ANO6: variants seen among roughly 807,000 people sequenced by gnomAD.
ANO6 encodes the protein anoctamin-6.
ANO6 carries 106 observed loss-of-function variants against 117.5 expected under a neutral mutation model. The observed-to-expected ratio is 0.90, with a 90% CI of 0.77 to 1.06. The LOEUF (loss-of-function observed/expected upper bound fraction) is 1.06. Ranked by LOEUF, ANO6 falls within the 50% of genes least tolerant of loss-of-function variation. The probability of loss-of-function intolerance (pLI) is 0.00; values close to 1 mark genes in which losing one functional copy is unlikely to be tolerated. For synonymous variants in ANO6, 367 were observed against 385.1 expected, an observed-to-expected ratio of 0.95 and a Z score of 0.55; for missense variants, 955 against 1,121.1, an observed-to-expected ratio of 0.85 and a Z score of 2.12.
intron 2 of ANO6, among the ~76,000 whole-genome samples, chr12:45,323,935 A>ATTTTTTTTTTTTTTTTTTTTTTGTTT (rs761870704): frequency 9.2e-6 from 1 of 108,330 alleles, no homozygotes; most frequent in Non-Finnish European, 1.8e-5. Flanking sequence ...TTGTTGTTGT[A>ATTTTTTTTTTTTTTTTTTTTTTGTTT]TTTTTTTTTT....
chr12:45,393,875 C>T (rs1046844668), intron 12 of ANO6, among the ~76,000 whole-genome samples: 1 of 152,208 alleles, frequency 6.6e-6, no homozygotes, highest in African/African-American at 2.4e-5. Context: ...CAACCGGTAC[C>T]AGCCCCAGCA....
chr12:45,321,461 A>G (rs1940267517), intron 2 of ANO6, among the ~76,000 whole-genome samples: 1 of 152,156 alleles, frequency 6.6e-6, no homozygotes, highest in South Asian at 2.1e-4. Flanking sequence ...ATTATATGAT[A>G]TGAAAAAAAA....
intron 11 of ANO6, among the ~76,000 whole-genome samples, chr12:45,389,530 C>T (rs548565499): frequency 6.6e-6 from 1 of 152,280 alleles, no homozygotes; most frequent in East Asian, 1.9e-4. Context: ...GTTAAATTTC[C>T]CTTGAAGTGT....
intron 1 of ANO6, among the ~76,000 whole-genome samples, chr12:45,251,306 A>T (rs570720055): frequency 1.3e-5 from 2 of 152,208 alleles, no homozygotes; most frequent in South Asian, 4.1e-4. Flanking sequence ...CAAATTCTTG[A>T]TTCTCTGTTA....
chr12:45,241,574 C>T (rs1565640138), intron 1 of ANO6, among the ~76,000 whole-genome samples: 5 of 152,324 alleles, frequency 3.3e-5, no homozygotes, highest in East Asian at 1.9e-4. Context: ...AGTCATTCTC[C>T]GTCCAGCTTT....
At chr12:45,315,364 A>G (rs1939990280) in intron 2 of ANO6, among the ~76,000 whole-genome samples, 1 of 152,052 alleles carries the variant, frequency 6.6e-6, no homozygotes, top group Admixed American at 6.6e-5. Flanking sequence ...CAGACAGTCC[A>G]GTTAGGAGAT....
intron 1 of ANO6, among the ~76,000 whole-genome samples, chr12:45,293,234 T>C (rs1939165198): frequency 6.6e-6 from 1 of 152,184 alleles, no homozygotes; most frequent in Non-Finnish European, 1.5e-5. Context: ...TATTTTCTCA[T>C]TTATTGAGCA....
chr12:45,403,312 T>G, intron 14 of ANO6, 71 bp downstream of exon 14: 1 of 1,561,906 alleles, frequency 6.4e-7, no homozygotes. Flanking sequence ...AATGAATAGT[T>G]TTTTATTGTA....
chr12:45,349,720 G>A (rs1368400281), intron 6 of ANO6, among the ~76,000 whole-genome samples: 2 of 152,162 alleles, frequency 1.3e-5, no homozygotes, highest in African/African-American at 4.8e-5. Flanking sequence ...GTAGAGAACA[G>A]GGAGCTGGGT....
chr12:45,275,964 C>G (rs1486213641), intron 1 of ANO6, among the ~76,000 whole-genome samples: 1 of 152,078 alleles, frequency 6.6e-6, no homozygotes, highest in Admixed American at 6.5e-5. Flanking sequence ...CTTCTGAGTT[C>G]TAGACGCCGT....
rs551614236 is a variant in ANO6 at position 45,384,846 on chromosome 12, G to T, written c.1166-3315G>T. ...GGCATTGATAGAGGCTCAACGTGGGGTTGCCACAAACAATCAATTTGTAAG... is the reference window on the plus strand; with the variant it reads ...GGCATTGATAGAGGCTCAACGTGGGTTTGCCACAAACAATCAATTTGTAAG... On this transcript the variant is annotated intron_variant, in intron 10 of 19. Coordinates refer to ENST00000320560, the MANE Select transcript of ANO6 (RefSeq NM_001025356.3). Among the ~76,000 whole-genome samples the T allele has an allele frequency of 1.1e-4, 17 of 152,326 alleles. No homozygotes were observed. The South Asian group carries it at 3.5e-3, about 32-fold the overall frequency.
chr12:45,406,945 T>C (rs1439779256), intron 15 of ANO6, among the ~76,000 whole-genome samples: 1 of 152,202 alleles, frequency 6.6e-6, no homozygotes, highest in Non-Finnish European at 1.5e-5. Flanking sequence ...TAACTTATGA[T>C]GTGGCTATGA....
intron 16 of ANO6, among the ~76,000 whole-genome samples, chr12:45,412,743 C>T (rs1943117824): frequency 6.6e-6 from 1 of 152,342 alleles, no homozygotes; most frequent in African/African-American, 2.4e-5. Context: ...ATTTATTAAG[C>T]ACTTGCTGTG....
intron 17 of ANO6, among the ~76,000 whole-genome samples, chr12:45,420,042 C>A (rs945194357): frequency 6.6e-6 from 1 of 150,782 alleles, no homozygotes; most frequent in African/African-American, 2.4e-5. Flanking sequence ...AATGGGACAA[C>A]CCCAATATAA....
chr12:45,409,810 T>C (rs374392571), intron 16 of ANO6, among the ~76,000 whole-genome samples: 1 of 152,148 alleles, frequency 6.6e-6, no homozygotes, highest in Non-Finnish European at 1.5e-5. Context: ...GGCTGGAGTG[T>C]GGTGGTACAA....
chr12:45,251,786 A>G (rs10459294), intron 1 of ANO6, among the ~76,000 whole-genome samples: 17,890 of 152,126 alleles, frequency 0.12, 1,518 homozygotes, highest in East Asian at 0.3. Flanking sequence ...AGTCCCATTC[A>G]CTGTGTGTGG....
intron 1 of ANO6, among the ~76,000 whole-genome samples, chr12:45,222,108 C>G (rs998289387): frequency 6.6e-6 from 1 of 151,728 alleles, no homozygotes; most frequent in South Asian, 2.1e-4. Context: ...GGTCTCATCT[C>G]CTGACCTCGT....
At chr12:45,283,946 A>G (rs1938824693) in intron 1 of ANO6, among the ~76,000 whole-genome samples, 1 of 152,202 alleles carries the variant, frequency 6.6e-6, no homozygotes, top group Non-Finnish European at 1.5e-5. Flanking sequence ...GGCCAAAGGA[A>G]AACTTCCCCT....
intron 12 of ANO6, among the ~76,000 whole-genome samples, chr12:45,393,856 G>A (rs1942528845): frequency 6.6e-6 from 1 of 152,134 alleles, no homozygotes; most frequent in Non-Finnish European, 1.5e-5. Context: ...CACTAAACAT[G>A]GAAAGGAACA....
Sources: gnomAD v4.1 joint callset for allele counts (sites outside exome capture counted in the v4.1 genomes callset) on GRCh38, gnomAD v4.1.1 for gene constraint, MANE v1.5 for transcripts, NCBI Gene and HGNC (gene_info 2026-07-23, HGNC 2026-07-21) for gene names.